The following CFAP54 variants were observed in gnomAD, a reference collection of about 807,000 sequenced individuals.
CFAP54 encodes cilia and flagella associated protein 54, also known as cilia- and flagella-associated protein 54.
Under a neutral mutation model 370.4 loss-of-function variants are expected in CFAP54, and 290 were observed. That is an observed-to-expected ratio of 0.78 (90% CI 0.71 to 0.86). The LOEUF (loss-of-function observed/expected upper bound fraction) is 0.86, where lower values mean the gene tolerates loss of function less well. Ranked by LOEUF, CFAP54 falls within the 40% of genes least tolerant of loss-of-function variation. CFAP54 has a pLI of 0.00. For missense variants in CFAP54, 3,399 were observed against 3,528.7 expected (o/e 0.96, Z 0.93); for synonymous variants, 1,206 against 1,236.5 (o/e 0.98, Z 0.52).
At chr12:96,581,873 A>G (rs573728213) in intron 22 of CFAP54, among the ~76,000 whole-genome samples, 1 of 152,298 alleles carries the variant, frequency 6.6e-6, no homozygotes, top group South Asian at 2.1e-4. Context: ...GATATATAAT[A>G]GTTTGTTAGT....
At chr12:96,665,632 T>C (rs939246591) in intron 39 of CFAP54, among the ~76,000 whole-genome samples, 3 of 152,228 alleles carry the variant, frequency 2.0e-5, no homozygotes, top group Non-Finnish European at 2.9e-5. Context: ...TAGTTTTAGA[T>C]GTGCAGTCTT....
At chr12:96,508,922 G>A (rs1955136999) in intron 4 of CFAP54, among the ~76,000 whole-genome samples, 1 of 152,210 alleles carries the variant, frequency 6.6e-6, no homozygotes, top group Admixed American at 6.5e-5. Flanking sequence ...AGACCTGTGC[G>A]AGAGTTTTCT....
intron 26 of CFAP54, among the ~76,000 whole-genome samples, chr12:96,612,206 A>G (rs1093232): frequency 0.69 from 105,462 of 152,162 alleles, 36,693 homozygotes; most frequent in African/African-American, 0.72. Flanking sequence ...GAAACTCTAC[A>G]AGCCAGAAGA....
chr12:96,682,969 G>A (rs1361975831), intron 40 of CFAP54, among the ~76,000 whole-genome samples: 1 of 151,974 alleles, frequency 6.6e-6, no homozygotes, highest in African/African-American at 2.4e-5. Context: ...CATTTTCCTT[G>A]TCTTTCCCTT....
At position 96,753,729 on chromosome 12, in the gene CFAP54, T is replaced by C. The variant is rs891789748; in HGVS notation, c.7685-14T>C. On this transcript the variant is annotated splice_polypyrimidine_tract_variant and intron_variant, in intron 55 of 67. Transcript: ENST00000524981. ...ATTTTTTTGTTCTTCCCCACCGAAC[T>C]GTTTTTCTTTTAGGACATACAGTGG... 6.2e-7 allele frequency: 1 copy of C among 1,610,262 alleles called. No individual in the cohort carries two copies. The highest frequency in any genetic ancestry group is 8.5e-7 in the Non-Finnish European group (1 of 1,177,692).
In CFAP54 at chr12:96,786,705, T is replaced by G; in HGVS notation, c.8486T>G (p.Leu2829Trp). The G allele has an allele frequency of 6.5e-7, 1 of 1,534,374 alleles. No homozygotes were observed. The highest frequency in any genetic ancestry group is 1.4e-5 in the African/African-American group (1 of 73,128). Residue 2829 changes from leucine (L) to tryptophan (W), a missense_variant, in exon 62 of 68, where the codon TTG becomes TGG. Leu to Trp is a moderately conservative substitution (Grantham distance 61, BLOSUM62 -2). Around this residue, in one of 3 missense-constraint regions of CFAP54, gnomAD observed 2,796 missense variants for 2,869.7 expected, o/e 0.97. Transcript: ENST00000524981. ...ASATPVSGIS[L>W]PDDTLLTSLY... ...GCAACACCAGTATCTGGAATTTCTT[T>G]GCCAGATGATACACTTCTCACATCC...
At chr12:96,517,529 C>A (rs546859802) in intron 5 of CFAP54, among the ~76,000 whole-genome samples, 43 of 152,124 alleles carry the variant, frequency 2.8e-4, no homozygotes, top group Non-Finnish European at 5.3e-4. Flanking sequence ...CCACAACAAT[C>A]TAAATGCAAA....
At chr12:96,869,222 GA>G (rs924876270) in intron 67 of CFAP54, among the ~76,000 whole-genome samples, 1 of 152,084 alleles carries the variant, frequency 6.6e-6, no homozygotes, top group Non-Finnish European at 1.5e-5. Context: ...TTTGTTCGAG[GA>G]AAAATAATGT....
intron 26 of CFAP54, among the ~76,000 whole-genome samples, chr12:96,620,401 A>G (rs1264091517): frequency 6.6e-6 from 1 of 152,148 alleles, no homozygotes; most frequent in Non-Finnish European, 1.5e-5. Context: ...CAGTTTTATA[A>G]AGGGGAGTTC....
chr12:96,523,047 A>G (rs1328964184), intron 8 of CFAP54, among the ~76,000 whole-genome samples: 1 of 151,998 alleles, frequency 6.6e-6, no homozygotes, highest in Non-Finnish European at 1.5e-5. Context: ...CTGACTCTTA[A>G]TATCCCCCAG....
At chr12:96,569,471 C>T (rs1321438037) in intron 19 of CFAP54, among the ~76,000 whole-genome samples, 1 of 152,202 alleles carries the variant, frequency 6.6e-6, no homozygotes, top group Non-Finnish European at 1.5e-5. Context: ...CATTCATCCT[C>T]ATAACTGTAT....
chr12:96,619,713 C>G (rs1956463802), intron 26 of CFAP54, among the ~76,000 whole-genome samples: 1 of 152,180 alleles, frequency 6.6e-6, no homozygotes, highest in Non-Finnish European at 1.5e-5. Context: ...TATCTGTAAG[C>G]TTAGGACCTA....
chr12:96,870,636 G>A (rs1252606933), intron 67 of CFAP54, among the ~76,000 whole-genome samples: 3 of 152,140 alleles, frequency 2.0e-5, no homozygotes, highest in South Asian at 2.1e-4. Context: ...GGGGAAGTTC[G>A]TTTCTGTCTA....
At chr12:96,806,439 A>G (rs896582720) in intron 63 of CFAP54, among the ~76,000 whole-genome samples, 8 of 151,546 alleles carry the variant, frequency 5.3e-5, no homozygotes, top group African/African-American at 1.7e-4. Context: ...ATGTTTATTT[A>G]GTGCAGGAAT....
At chr12:96,822,863 A>G (rs1959048427) in intron 65 of CFAP54, among the ~76,000 whole-genome samples, 3 of 151,956 alleles carry the variant, frequency 2.0e-5, no homozygotes, top group Non-Finnish European at 2.9e-5. Flanking sequence ...TCAAACTCCA[A>G]CACCTTTTCC....
intron 26 of CFAP54, among the ~76,000 whole-genome samples, chr12:96,617,256 C>T (rs1376512653): frequency 1.3e-5 from 2 of 152,086 alleles, no homozygotes; most frequent in Non-Finnish European, 2.9e-5. Flanking sequence ...ATAACAGGAC[C>T]TATCAGCCTG....
At chr12:96,775,448 A>G (rs1205902032) in intron 60 of CFAP54, among the ~76,000 whole-genome samples, 1 of 152,194 alleles carries the variant, frequency 6.6e-6, no homozygotes, top group Non-Finnish European at 1.5e-5. Context: ...AAAAAACTTT[A>G]CTGTGGACAT....
intron 66 of CFAP54, among the ~76,000 whole-genome samples, chr12:96,849,202 TG>T: frequency 6.6e-6 from 1 of 152,374 alleles, no homozygotes; most frequent in Admixed American, 6.5e-5. Flanking sequence ...GAAACTCATA[TG>T]TGAGAATGCT....
At chr12:96,754,710 C>T (rs1195403599) in intron 56 of CFAP54, among the ~76,000 whole-genome samples, 5 of 152,038 alleles carry the variant, frequency 3.3e-5, no homozygotes, top group Non-Finnish European at 7.4e-5. Flanking sequence ...TTTCCTTTCC[C>T]ATCCTTGTTG....
Sources: gnomAD v4.1 joint callset for allele counts (sites outside exome capture counted in the v4.1 genomes callset) on GRCh38, gnomAD v4.1.1 for gene constraint, gnomAD v4.1.1 regional missense constraint, MANE v1.5 for transcripts, NCBI Gene and HGNC (gene_info 2026-07-23, HGNC 2026-07-21) for gene names.